PRR16: variants seen among roughly 807,000 people sequenced by gnomAD.
PRR16 encodes the protein protein Largen.
A neutral mutation model predicts 18.2 loss-of-function variants in PRR16; 6 were observed. That is an observed-to-expected ratio of 0.33 (90% confidence interval 0.18 to 0.65). PRR16 has a LOEUF of 0.65. PRR16 is among the 30% of genes least tolerant of loss of function. PRR16 has a pLI of 0.74. For missense variants in PRR16, 412 were observed against 376.6 expected (o/e 1.09, Z -0.78); for synonymous variants, 151 against 147.8 (o/e 1.02, Z -0.16).
At chr5:120,530,548 A>C (rs1751518422) in intron 1 of PRR16, among the ~76,000 whole-genome samples, 1 of 151,516 alleles carries the variant, frequency 6.6e-6, no homozygotes, top group South Asian at 2.1e-4. Context: ...TTTTCCTTTA[A>C]ATACTTATGT....
chr5:120,682,965 T>G (rs1463278410), intron 1 of PRR16, among the ~76,000 whole-genome samples: 4 of 152,010 alleles, frequency 2.6e-5, no homozygotes, highest in Non-Finnish European at 5.9e-5. Context: ...TAGGAAAAAT[T>G]TTAAGGATGT....
the PRR16 span, among the ~76,000 whole-genome samples, chr5:120,716,733 G>T: frequency 3.3e-5 from 5 of 152,118 alleles, no homozygotes; most frequent in East Asian, 9.7e-4. Flanking sequence ...AAATCTGGGT[G>T]TGGTGGCGGG....
chr5:120,573,078 A>G (rs1752957583), intron 1 of PRR16, among the ~76,000 whole-genome samples: 1 of 152,138 alleles, frequency 6.6e-6, no homozygotes, highest in Non-Finnish European at 1.5e-5. Flanking sequence ...AAACACCAAT[A>G]TTCTCATTTT....
intron 1 of PRR16, among the ~76,000 whole-genome samples, chr5:120,515,876 A>G (rs560332063): frequency 7.9e-5 from 12 of 152,282 alleles, no homozygotes; most frequent in African/African-American, 2.9e-4. Context: ...GTTGGAAGTT[A>G]TTTTTGTATA....
At chr5:120,508,645 G>A (rs1750723435) in intron 1 of PRR16, among the ~76,000 whole-genome samples, 1 of 152,048 alleles carries the variant, frequency 6.6e-6, no homozygotes, top group Admixed American at 6.6e-5. Flanking sequence ...AGTATATCCA[G>A]AATATCCTTA....
In PRR16 at chr5:120,652,775, G is replaced by A. The variant is rs2150132755; in HGVS notation, c.160-33179G>A. Among the ~76,000 whole-genome samples, 3 of 151,924 alleles carry A rather than the reference G, an allele frequency of 2.0e-5. No individual in the cohort carries two copies. In the South Asian group the frequency reaches 6.2e-4, roughly 32 times the overall value. ...AAAAGGGACATTAGGTGAAGACTGA[G>A]GCCATCTCAGTGAAGTATGGGCATT... is the stretch of plus-strand genomic sequence containing the variant. On this transcript the variant is annotated intron_variant, in intron 1 of 1. Coordinates refer to ENST00000407149, the MANE Select transcript of PRR16 (RefSeq NM_001300783.2).
At chr5:120,778,389 T>G in the PRR16 span, among the ~76,000 whole-genome samples, 2 of 152,182 alleles carry the variant, frequency 1.3e-5, no homozygotes, top group Non-Finnish European at 2.9e-5. Flanking sequence ...TTCCTATCCT[T>G]AATCTTACAT....
At chr5:120,666,549 G>T (rs1756384118) in intron 1 of PRR16, among the ~76,000 whole-genome samples, 1 of 151,974 alleles carries the variant, frequency 6.6e-6, no homozygotes, top group African/African-American at 2.4e-5. Flanking sequence ...TTTTCAAAGG[G>T]AATGCTTCCA....
intron 1 of PRR16, among the ~76,000 whole-genome samples, chr5:120,492,514 A>G (rs888210327): frequency 6.6e-6 from 1 of 152,138 alleles, no homozygotes; most frequent in Non-Finnish European, 1.5e-5. Flanking sequence ...TTTAAAAGCC[A>G]TATTGATTGT....
the PRR16 span, among the ~76,000 whole-genome samples, chr5:120,754,204 TA>T: frequency 4.6e-5 from 4 of 86,056 alleles, no homozygotes; most frequent in African/African-American, 1.3e-4. Flanking sequence ...TTATATATTA[TA>T]AATTATATAT....
the PRR16 span, among the ~76,000 whole-genome samples, chr5:120,758,988 T>G: frequency 6.8e-6 from 1 of 147,226 alleles, no homozygotes; most frequent in Non-Finnish European, 1.5e-5. Flanking sequence ...TTTTTTTTTT[T>G]TTTTTGAGAC....
At chr5:120,696,069 C>T in the PRR16 span, among the ~76,000 whole-genome samples, 2 of 151,928 alleles carry the variant, frequency 1.3e-5, no homozygotes, top group Admixed American at 6.6e-5. Context: ...GGTGAAACTG[C>T]GTCTTTACTA....
At chr5:120,723,378 A>G in the PRR16 span, among the ~76,000 whole-genome samples, 1 of 151,974 alleles carries the variant, frequency 6.6e-6, no homozygotes, top group African/African-American at 2.4e-5. Flanking sequence ...GCATCTTATC[A>G]GTAATTTCAG....
At chr5:120,667,751 G>A (rs1181034196) in intron 1 of PRR16, among the ~76,000 whole-genome samples, 1 of 152,078 alleles carries the variant, frequency 6.6e-6, no homozygotes, top group Non-Finnish European at 1.5e-5. Context: ...CAGTTTCCAT[G>A]TAGTTGAGCG....
chr5:120,733,520 C>T, the PRR16 span, among the ~76,000 whole-genome samples: 9 of 152,010 alleles, frequency 5.9e-5, no homozygotes, highest in Admixed American at 1.3e-4. Context: ...GTATAAGTCC[C>T]CAAATCCCTA....
intron 1 of PRR16, among the ~76,000 whole-genome samples, chr5:120,661,420 A>G (rs149631832): frequency 8.0e-4 from 121 of 152,178 alleles, no homozygotes; most frequent in African/African-American, 2.7e-3. Context: ...TTGTTTGCCA[A>G]CAGATTTTAT....
chr5:120,711,634 G>T, the PRR16 span, among the ~76,000 whole-genome samples: 1 of 152,222 alleles, frequency 6.6e-6, no homozygotes, highest in Non-Finnish European at 1.5e-5. Context: ...CATCTCTCTT[G>T]GATTGGACAC....
At chr5:120,615,732 A>T (rs1443710251) in intron 1 of PRR16, among the ~76,000 whole-genome samples, 1 of 152,074 alleles carries the variant, frequency 6.6e-6, no homozygotes, top group Non-Finnish European at 1.5e-5. Flanking sequence ...TTGCAGTCAA[A>T]TGTTATAATT....
intron 1 of PRR16, among the ~76,000 whole-genome samples, chr5:120,572,108 A>G (rs1311824364): frequency 6.6e-6 from 1 of 152,172 alleles, no homozygotes; most frequent in Non-Finnish European, 1.5e-5. Context: ...AAACTGGCAT[A>G]TTCTTTGTCT....
Sources: allele counts gnomAD v4.1 joint callset (sites outside exome capture counted in the v4.1 genomes callset), GRCh38; gene constraint gnomAD v4.1.1; transcripts MANE v1.5; gene names NCBI Gene and HGNC (gene_info 2026-07-23, HGNC 2026-07-21).